RUFY1: variants seen among roughly 807,000 people sequenced by gnomAD.
RUFY1 encodes the protein RUN and FYVE domain-containing protein 1.
A neutral mutation model predicts 94.6 loss-of-function variants in RUFY1; 54 were observed. The observed-to-expected ratio is 0.57, with a 90% CI of 0.46 to 0.72. The LOEUF is 0.72. Ranked by LOEUF, RUFY1 falls within the 30% of genes least tolerant of loss-of-function variation. RUFY1 has a pLI of 0.00. For synonymous variants in RUFY1, 396 were observed against 347.3 expected, an observed-to-expected ratio of 1.14 and a Z score of -1.56; for missense variants, 883 against 883.9, an observed-to-expected ratio of 1.00 and a Z score of 0.01.
At chr5:179,571,949 G>A (rs1763256969) in intron 5 of RUFY1, among the ~76,000 whole-genome samples, 1 of 151,746 alleles carries the variant, frequency 6.6e-6, no homozygotes, top group Admixed American at 6.6e-5. Context: ...TCTCAGTGGT[G>A]GTTTGCCCTG....
chr5:179,576,194 G>A (rs1383880812), intron 5 of RUFY1, among the ~76,000 whole-genome samples: 1 of 152,138 alleles, frequency 6.6e-6, no homozygotes, highest in Non-Finnish European at 1.5e-5. Flanking sequence ...AACATTTAGG[G>A]TACACCCAGT....
chr5:179,580,655 C>T (rs566852606), intron 6 of RUFY1, among the ~76,000 whole-genome samples: 38 of 151,834 alleles, frequency 2.5e-4, no homozygotes, highest in Non-Finnish European at 4.1e-4. Context: ...AGGGTTGTGT[C>T]GAGCCATTTG....
At position 179,593,458 on chromosome 5, in the gene RUFY1, C is replaced by T. The variant is rs754854096; in HGVS notation, c.1246-20C>T. ...TGTGATCTATTTTAATAACATTTTC[C>T]TTGTAAATATCCTTTTAAGGAACTG... On this transcript the variant is annotated intron_variant, in intron 10 of 17. Transcript: ENST00000319449. 8 of 1,580,698 alleles carry T rather than the reference C, an allele frequency of 5.1e-6. No individual in the cohort carries two copies. In the Admixed American group the frequency reaches 1.2e-4, roughly 23 times the overall value.
chr5:179,589,439 A>G (rs1426451137), intron 8 of RUFY1, 107 bp from the exon 9 acceptor site: 20 of 707,990 alleles, frequency 2.8e-5, no homozygotes, highest in Admixed American at 1.8e-4. Context: ...AAAATATCAA[A>G]CCTGTGAACA....
At chr5:179,598,842 AGAG>A in intron 14 of RUFY1, 21 bp downstream of exon 14, 1 of 1,613,790 alleles carries the variant, frequency 6.2e-7, no homozygotes, top group African/African-American at 1.3e-5. Context: ...CCATCCCGGG[AGAG>A]GAGAGCCTCT....
Position 179,558,469 on chromosome 5 carries a change from G to A in RUFY1, c.311-1556G>A, listed in dbSNP as rs207466645. Among the ~76,000 whole-genome samples, 4 of 151,998 alleles carry A rather than the reference G, an allele frequency of 2.6e-5. No homozygotes were observed. The South Asian group carries it at 8.3e-4, about 31-fold the overall frequency. On this transcript the variant is annotated intron_variant, in intron 1 of 17. Coordinates refer to ENST00000319449, the MANE Select transcript of RUFY1 (RefSeq NM_025158.5). ...TGCCTGTAATCCCAGCTACTCGGGAGTCTGAAACAAGAGAATTGCTTGAGC... is the reference window on the plus strand; with the variant it reads ...TGCCTGTAATCCCAGCTACTCGGGAATCTGAAACAAGAGAATTGCTTGAGC...
In RUFY1 at chr5:179,592,000, C is replaced by T. The variant is rs113212670; in HGVS notation, c.1245+259C>T. 9.0e-3 allele frequency among the ~76,000 whole-genome samples: 1,370 copies of T among 152,132 alleles called. 7 individuals are homozygous for T. The highest frequency in any genetic ancestry group is 0.015 in the Non-Finnish European group (1,018 of 68,022). On this transcript the variant is annotated intron_variant, in intron 10 of 17. Transcript: ENST00000319449. ...TCACTCTGTTGTCCAGGCTGGAGTG[C>T]GATGGCGCGATCTTGGCCCACTGCA...
intron 1 of RUFY1, among the ~76,000 whole-genome samples, chr5:179,553,673 C>G (rs1761969895): frequency 6.6e-6 from 1 of 151,916 alleles, no homozygotes; most frequent in South Asian, 2.1e-4. Flanking sequence ...ACCTGTAATC[C>G]CAGCTACTCA....
intron 16 of RUFY1, chr5:179,606,189 C>A: frequency 1.9e-6 from 1 of 536,102 alleles, no homozygotes; most frequent in Non-Finnish European, 3.3e-6. Flanking sequence ...GATGGGCATT[C>A]CCTAAGGGGG....
chr5:179,584,748 C>G (rs750447246), intron 7 of RUFY1, among the ~76,000 whole-genome samples: 1 of 151,030 alleles, frequency 6.6e-6, no homozygotes, highest in African/African-American at 2.4e-5. Flanking sequence ...GGCGACAGAG[C>G]AAGACCCTGT....
chr5:179,568,408 T>C (rs189605052), intron 4 of RUFY1, among the ~76,000 whole-genome samples: 1 of 152,328 alleles, frequency 6.6e-6, no homozygotes, highest in Non-Finnish European at 1.5e-5. Flanking sequence ...TTTCTTGTAA[T>C]TGAGAAATAG....
At chr5:179,573,044 TTTATC>T (rs1763337080) in intron 5 of RUFY1, among the ~76,000 whole-genome samples, 1 of 152,234 alleles carries the variant, frequency 6.6e-6, no homozygotes, top group East Asian at 1.9e-4. Flanking sequence ...AAATTCCACT[TTTATC>T]ATATGTGAAA....
chr5:179,581,609 A>C (rs1230293151), intron 7 of RUFY1, among the ~76,000 whole-genome samples: 3 of 151,956 alleles, frequency 2.0e-5, no homozygotes, highest in Non-Finnish European at 4.4e-5. Flanking sequence ...CTCCGGCCCC[A>C]AAAGCCAGGT....
intron 4 of RUFY1, among the ~76,000 whole-genome samples, 187 bp downstream of exon 4, chr5:179,567,749 C>T (rs1441633619): frequency 2.6e-5 from 4 of 151,734 alleles, no homozygotes; most frequent in East Asian, 1.9e-4. Flanking sequence ...ACTAAAAATA[C>T]GAAAATTAGC....
At chr5:179,581,372 A>T (rs971537949) in intron 7 of RUFY1, among the ~76,000 whole-genome samples, 8 of 151,568 alleles carry the variant, frequency 5.3e-5, no homozygotes, top group African/African-American at 1.9e-4. Flanking sequence ...AGGAAAAAAG[A>T]GTTGAAAACC....
At chr5:179,568,157 T>C (rs925658356) in intron 4 of RUFY1, among the ~76,000 whole-genome samples, 4 of 151,126 alleles carry the variant, frequency 2.6e-5, no homozygotes, top group African/African-American at 7.3e-5. Flanking sequence ...GGCAGGAGGA[T>C]TGCTTGAACC....
In RUFY1 at chr5:179,609,163, C is replaced by CACCACT. The variant is rs575687504; in HGVS notation, c.1984-213_1984-212insACCACT. ...CAGAGCTTGCAGTGAGCTGAGATCGCGCCACTGCACTGCAGCCCGGGCGAC... is the reference window on the plus strand; with the variant it reads ...CAGAGCTTGCAGTGAGCTGAGATCGCACCACTGCCACTGCACTGCAGCCCGGGCGAC... On this transcript the variant is annotated intron_variant, in intron 17 of 17. Transcript: ENST00000319449. Among the ~76,000 whole-genome samples, 264 of 147,480 alleles carry CACCACT rather than the reference C, an allele frequency of 1.8e-3. 1 individual carries two copies. The highest frequency in any genetic ancestry group is 6.4e-3 in the African/African-American group (256 of 39,916).
chr5:179,590,029 G>A (rs762026101), intron 9 of RUFY1, among the ~76,000 whole-genome samples: 7 of 152,126 alleles, frequency 4.6e-5, no homozygotes, highest in Non-Finnish European at 8.8e-5. Context: ...TTGTTGGCTT[G>A]CAGCTCTATC....
intron 15 of RUFY1, chr5:179,602,198 G>A (rs1261096559): frequency 3.6e-6 from 2 of 555,798 alleles, no homozygotes; most frequent in African/African-American, 1.9e-5. Context: ...CGAGCTCTTA[G>A]TTAATTCAGG....
Sources: allele counts gnomAD v4.1 joint callset (sites outside exome capture counted in the v4.1 genomes callset), GRCh38; gene constraint gnomAD v4.1.1; transcripts MANE v1.5; gene names NCBI Gene and HGNC (gene_info 2026-07-23, HGNC 2026-07-21).